The following PKDCC variants were observed in gnomAD, a reference collection of about 807,000 sequenced individuals.
PKDCC encodes the protein protein kinase domain containing, cytoplasmic.
In PKDCC, 35 loss-of-function variants were observed where a neutral mutation model predicts 44.7. The observed-to-expected ratio is 0.78, with a 90% CI of 0.60 to 1.04. PKDCC has a LOEUF of 1.04. PKDCC is among the 50% of genes least tolerant of loss of function. The probability of loss-of-function intolerance (pLI) is 0.00; values close to 1 mark genes in which losing one functional copy is unlikely to be tolerated. For missense variants in PKDCC, 738 were observed against 672.7 expected (o/e 1.10, Z -1.07); for synonymous variants, 353 against 303.3 (o/e 1.16, Z -1.70).
Position 42,054,418 on chromosome 2 carries a change from C to A in PKDCC, c.1034+111C>A. 1 of 1,322,708 alleles carries A rather than the reference C, an allele frequency of 7.6e-7. No homozygotes were observed. The highest frequency in any genetic ancestry group is 1.0e-6 in the Non-Finnish European group (1 of 966,806). The allele number at this position is 1,322,708 out of a possible 1,614,324, so 81.9% of individuals were successfully genotyped here. A position where few individuals can be genotyped will look rare whatever the true frequency, so the allele number is the denominator to read the frequency against. On this transcript the variant is annotated intron_variant, in intron 3 of 6. Coordinates refer to ENST00000294964, the MANE Select transcript of PKDCC (RefSeq NM_138370.3). This position sits in a 1 kb window ranked among gnomAD's most constrained non-coding sequence, Gnocchi z 6.1. Reference sequence around the variant, plus strand: ...GCTGGGCAGGGAGACTCAGCCTTGACCAGAGCAAGGGAAGGCTTCTACCCT... The same window carrying A: ...GCTGGGCAGGGAGACTCAGCCTTGAACAGAGCAAGGGAAGGCTTCTACCCT...
chr2:42,048,968 C>CCGGA lies in PKDCC; in HGVS notation c.639+132_639+135dup. 1 of 1,302,068 alleles carries CCGGA rather than the reference C, an allele frequency of 7.7e-7. No homozygotes were observed. Among genetic ancestry groups the CCGGA allele is most frequent in the East Asian group, 2.8e-5 (1 of 35,544 alleles). 80.7% of individuals were successfully genotyped at this position (1,302,068 alleles called of 1,614,324 possible). ...ACCCAGGCTAAGCTAGACGCAGAAACCGGACCATGGCCCTTCCCACTGCAC... is the reference window on the plus strand; with the variant it reads ...ACCCAGGCTAAGCTAGACGCAGAAACCGGACGGACCATGGCCCTTCCCACTGCAC... On this transcript the variant is annotated intron_variant, in intron 1 of 6. Coordinates refer to ENST00000294964, the MANE Select transcript of PKDCC (RefSeq NM_138370.3). The surrounding 1 kb of genome is among the most constrained non-coding windows in gnomAD (Gnocchi z 6.2).
In PKDCC at chr2:42,053,256, C is replaced by T; in HGVS notation, c.657C>T (p.Tyr219=). Residue 219 remains tyrosine, a synonymous_variant, in exon 2 of 7, where the codon TAC becomes TAT. Transcript: ENST00000294964. ...PNVLQLYGYC[Y]QDSEDIPDTL... ...TTCCCCAGCTCTATGGCTACTGCTA[C>T]CAGGACAGCGAGGACATCCCAGACA... is the stretch of plus-strand genomic sequence containing the variant. 1 of 1,556,660 alleles carries T rather than the reference C, an allele frequency of 6.4e-7. No homozygotes were observed.
At chr2:42,053,694 T>G (rs1483347482) in intron 2 of PKDCC, among the ~76,000 whole-genome samples, 1 of 152,188 alleles carries the variant, frequency 6.6e-6, no homozygotes, top group African/African-American at 2.4e-5. Context: ...GGAAAGACCT[T>G]AATACCATCC....
rs988695099 is a variant in PKDCC at position 42,051,632 on chromosome 2, G to T, written c.640-1607G>T. 6.6e-6 allele frequency among the ~76,000 whole-genome samples: 1 copy of T among 152,208 alleles called. No individual in the cohort carries two copies. The highest frequency in any genetic ancestry group is 3.4e-3 in the Middle Eastern group (1 of 294). ...CTCTGGGCAAGAAAATGAGAACCAG[G>T]CCCCAGGGCTGTTCCCCTTACCTTC... On this transcript the variant is annotated intron_variant, in intron 1 of 6. Transcript: ENST00000294964. The surrounding 1 kb of genome is among the most constrained non-coding windows in gnomAD (Gnocchi z 4.2).
chr2:42,057,498 G>A (rs1459714574), intron 6 of PKDCC, 104 bp downstream of exon 6: 13 of 1,555,414 alleles, frequency 8.4e-6, no homozygotes, highest in Middle Eastern at 1.7e-4. Flanking sequence ...CTGAGGTGAT[G>A]AGAGAGAGGT....
rs2103927920 is a variant in PKDCC, at chr2:42,053,286, G to A, written c.687G>A (p.Leu229=). 6.2e-7 allele frequency: 1 copy of A among 1,610,926 alleles called. No homozygotes were observed. Among genetic ancestry groups the A allele is most frequent in the Middle Eastern group, 1.7e-4 (1 of 6,050 alleles). ...ACAGCGAGGACATCCCAGACACCCT[G>A]ACCACCATCACGGAGCTGGGCGCCC... ...YQDSEDIPDT[L]TTITELGAPV... Residue 229 remains leucine, a synonymous_variant, in exon 2 of 7, where the codon CTG becomes CTA. Coordinates refer to ENST00000294964, the MANE Select transcript of PKDCC (RefSeq NM_138370.3).
rs1482730901 is a variant in PKDCC, at chr2:42,054,376, A to G, written c.1034+69A>G. ...GGCCAGGAGGGCATGGCAGGAAGAGAGCCAACGTGGAGGCCAGCTGGGCAG... is the reference window on the plus strand; with the variant it reads ...GGCCAGGAGGGCATGGCAGGAAGAGGGCCAACGTGGAGGCCAGCTGGGCAG... On this transcript the variant is annotated intron_variant, in intron 3 of 6. Coordinates refer to ENST00000294964, the MANE Select transcript of PKDCC (RefSeq NM_138370.3). The surrounding 1 kb of genome is among the most constrained non-coding windows in gnomAD (Gnocchi z 6.1). 6.6e-7 allele frequency: 1 copy of G among 1,513,616 alleles called. No individual in the cohort carries two copies. Among genetic ancestry groups the G allele is most frequent in the East Asian group, 2.4e-5 (1 of 41,148 alleles). The allele number at this position is 1,513,616 out of a possible 1,614,324, so 93.8% of individuals were successfully genotyped here. A position where few individuals can be genotyped will look rare whatever the true frequency, so the allele number is the denominator to read the frequency against.
At chr2:42,057,181 G>A (rs988593286) in intron 5 of PKDCC, 40 bp from the exon 6 acceptor site, 1 of 1,605,076 alleles carries the variant, frequency 6.2e-7, no homozygotes, top group African/African-American at 1.3e-5. Context: ...TCAAACCTGG[G>A]CATACAGAAT....
chr2:42,049,120 A>G (rs1572759320), intron 1 of PKDCC, among the ~76,000 whole-genome samples: 1 of 152,134 alleles, frequency 6.6e-6, no homozygotes, highest in African/African-American at 2.4e-5. Context: ...GGGGCAGTCC[A>G]TTAGGATTTA....
Position 42,048,579 on chromosome 2 carries a change from G to A in PKDCC, c.380G>A (p.Gly127Asp), listed in dbSNP as rs1271122672. 1.4e-6 allele frequency: 2 copies of A among 1,394,358 alleles called. No individual in the cohort carries two copies. Among genetic ancestry groups the A allele is most frequent in the South Asian group, 1.6e-5 (1 of 60,758 alleles). 86.4% of individuals were successfully genotyped at this position (1,394,358 alleles called of 1,614,324 possible). A position where few individuals can be genotyped will look rare whatever the true frequency, so the allele number is the denominator to read the frequency against. ...CCCGGCCCAGGCTCCCCCGGCCCGGGCCCGCGCCTGGGCTGCGCCGCGCTT... is the reference window on the plus strand; with the variant it reads ...CCCGGCCCAGGCTCCCCCGGCCCGGACCCGCGCCTGGGCTGCGCCGCGCTT... ...PAPGPGSPGP[G>D]PRLGCAALRN... The change falls in exon 1 of 7, where the codon GGC becomes GAC. Residue 127 changes from glycine (G) to aspartate (D), a missense_variant. By Grantham distance (94) the Gly-to-Asp change is moderately conservative. Transcript: ENST00000294964. This position sits in a 1 kb window ranked among gnomAD's most constrained non-coding sequence, Gnocchi z 6.2.
chr2:42,057,482 G>C (rs1012426184), intron 6 of PKDCC, 88 bp downstream of exon 6: 84 of 1,574,004 alleles, frequency 5.3e-5, no homozygotes, highest in Non-Finnish European at 2.7e-5. Flanking sequence ...GAAGTCAGAG[G>C]GGGTGCTGAG....
chr2:42,053,736 A>G (rs1668007286), intron 2 of PKDCC, among the ~76,000 whole-genome samples: 1 of 152,168 alleles, frequency 6.6e-6, no homozygotes, highest in South Asian at 2.1e-4. Flanking sequence ...ACACTGAACT[A>G]AAACAACATT....
In PKDCC at chr2:42,055,376, C is replaced by T. The variant is rs199534537; in HGVS notation, c.1205C>T (p.Thr402Met). The change falls in exon 5 of 7, where the codon ACG (threonine) becomes ATG (methionine). Residue 402 changes from threonine (T) to methionine (M), a missense_variant. Physicochemically the swap from Thr to Met is moderately conservative, Grantham distance 81. Coordinates refer to ENST00000294964, the MANE Select transcript of PKDCC (RefSeq NM_138370.3). The surrounding 1 kb of genome is among the most constrained non-coding windows in gnomAD (Gnocchi z 4.5). ...AGCGGGCAGTATCTGCAGAACTCCA[C>T]GGCAAGCAGCAGTACCGGTGAGTGG... The part of the protein sequence containing the change: ...YRSGQYLQNS[T>M]ASSSTEYQCI... 28 of 1,613,410 alleles carry T rather than the reference C, an allele frequency of 1.7e-5. No individual in the cohort carries two copies. In the African/African-American group the frequency reaches 2.4e-4, roughly 14 times the overall value.
rs1413752418 is a variant in PKDCC at position 42,048,317 on chromosome 2, G to C, written c.118G>C (p.Glu40Gln). The change falls in exon 1 of 7, where the codon GAG (glutamate) becomes CAG (glutamine). Residue 40 changes from glutamate to glutamine, a missense_variant. Transcript: ENST00000294964. This position sits in a 1 kb window ranked among gnomAD's most constrained non-coding sequence, Gnocchi z 6.2. ...GCCTCCGAGGCCAGGCCAGTCCCCT[G>C]AGCCTTCGCCGGCCCCGGGTCCGGG... ...SEPPRPGQSP[E>Q]PSPAPGPGRR... 5 of 1,201,064 alleles carry C rather than the reference G, an allele frequency of 4.2e-6. No individual in the cohort carries two copies. The highest frequency in any genetic ancestry group is 1.6e-5 in the African/African-American group (1 of 61,610). 74.4% of individuals were successfully genotyped at this position (1,201,064 alleles called of 1,614,324 possible).
In PKDCC at chr2:42,048,278, G is replaced by C. The variant is rs1252070385; in HGVS notation, c.79G>C (p.Ala27Pro). ...LLGSVLNVLF[A>P]PGSEPPRPGQ... is the part of the protein sequence containing the mutation. ...GGGCTCCGTCCTCAACGTGCTCTTC[G>C]CTCCGGGCTCGGAGCCTCCGAGGCC... The change falls in exon 1 of 7, where the codon GCT (alanine) becomes CCT (proline). Residue 27 changes from alanine to proline, a missense_variant. By Grantham distance (27) the Ala-to-Pro change is conservative (BLOSUM62 -1). Coordinates refer to ENST00000294964, the MANE Select transcript of PKDCC (RefSeq NM_138370.3). The surrounding 1 kb of genome is among the most constrained non-coding windows in gnomAD (Gnocchi z 6.2). 6 of 1,275,458 alleles carry C rather than the reference G, an allele frequency of 4.7e-6. No homozygotes were observed. Among genetic ancestry groups the C allele is most frequent in the African/African-American group, 3.2e-5 (2 of 62,800 alleles). 79.0% of individuals were successfully genotyped at this position (1,275,458 alleles called of 1,614,324 possible).
rs940613298 is a variant in PKDCC at position 42,052,425 on chromosome 2, CT to C, written c.640-812del. ...AGGATAATGTCCAACCGTATGCTCG[CT>C]TGTGTATTACCAAACAGCATTCTTA... On this transcript the variant is annotated intron_variant, in intron 1 of 6. Coordinates refer to ENST00000294964, the MANE Select transcript of PKDCC (RefSeq NM_138370.3). The surrounding 1 kb of genome is among the most constrained non-coding windows in gnomAD (Gnocchi z 4.3). 7.2e-5 allele frequency among the ~76,000 whole-genome samples: 11 copies of C among 152,164 alleles called. No individual in the cohort carries two copies. Among genetic ancestry groups the C allele is most frequent in the Admixed American group, 5.9e-4 (9 of 15,280 alleles).
At position 42,048,865 on chromosome 2, in the gene PKDCC, C is replaced by A. The variant is rs1572759185; in HGVS notation, c.639+27C>A. 6.9e-7 allele frequency: 1 copy of A among 1,451,642 alleles called. No homozygotes were observed. Among genetic ancestry groups the A allele is most frequent in the Non-Finnish European group, 9.1e-7 (1 of 1,096,816 alleles). 89.9% of individuals were successfully genotyped at this position (1,451,642 alleles called of 1,614,324 possible). On this transcript the variant is annotated intron_variant, in intron 1 of 6. Transcript: ENST00000294964. This position sits in a 1 kb window ranked among gnomAD's most constrained non-coding sequence, Gnocchi z 6.2. The stretch of plus-strand genomic sequence containing the variant: ...TACGAGGGTGGGGACGCGGGGGTAA[C>A]GGTGTTGGCTGGGAGTGCCCAAGAC...
intron 2 of PKDCC, chr2:42,053,629 GCACTCACA>G (rs1668005512): frequency 3.7e-6 from 2 of 539,290 alleles, no homozygotes; most frequent in Non-Finnish European, 6.5e-6. Context: ...AAAGAGGGGA[GCACTCACA>G]CACTCACACT....
In PKDCC at chr2:42,054,015, G is replaced by A; in HGVS notation, c.763-21G>A. 2 of 1,603,126 alleles carry A rather than the reference G, an allele frequency of 1.2e-6. No homozygotes were observed. Among genetic ancestry groups the A allele is most frequent in the Non-Finnish European group, 1.7e-6 (2 of 1,173,950 alleles). ...CAACCCAGGAGAAAAGCAGTGAGCA[G>A]TCTTTTCTTGTGCCCCTCAGATCTG... is the stretch of plus-strand genomic sequence containing the variant. On this transcript the variant is annotated intron_variant, in intron 2 of 6. Coordinates refer to ENST00000294964, the MANE Select transcript of PKDCC (RefSeq NM_138370.3). This position sits in a 1 kb window ranked among gnomAD's most constrained non-coding sequence, Gnocchi z 6.1.
Sources: allele counts gnomAD v4.1 joint callset (sites outside exome capture counted in the v4.1 genomes callset), GRCh38; gene constraint gnomAD v4.1.1; non-coding constraint Gnocchi (gnomAD v3.1); transcripts MANE v1.5; gene names NCBI Gene and HGNC (gene_info 2026-07-23, HGNC 2026-07-21).